The following MT4 variants were observed in gnomAD, a reference collection of about 807,000 sequenced individuals.
MT4 encodes metallothionein 4.
A neutral mutation model predicts 9.5 loss-of-function variants in MT4; 11 were observed. The observed-to-expected ratio is 1.16, with a 90% CI of 0.73 to 1.92. The LOEUF is 1.92. MT4 is among the 30% of genes most tolerant of loss of function. The pLI, the probability that MT4 is intolerant of heterozygous loss-of-function variation, is 0.00. For synonymous variants in MT4, 29 were observed against 24.6 expected (o/e 1.18, Z -0.53); for missense variants, 88 against 78.7 (o/e 1.12, Z -0.45).
At position 56,567,793 on chromosome 16, in the gene MT4, G is replaced by C. The variant is rs771345815; in HGVS notation, c.74G>C (p.Cys25Ser). The C allele has an allele frequency of 6.2e-7, 1 of 1,613,390 alleles. No homozygotes were observed. The part of the protein sequence containing the change: ...MCGDNCKCTT[C>S]NCKTYWKSCC... ...GGAGACAACTGCAAATGCACAACCT[G>C]CAACTGTAAAACATATTGGAAGAGT... Residue 25 changes from cysteine to serine, a missense_variant, in exon 2 of 3, where the codon TGC becomes TCC. By Grantham distance (112) the Cys-to-Ser change is moderately radical. Transcript: ENST00000219162.
intron 1 of MT4, among the ~76,000 whole-genome samples, chr16:56,565,997 G>A (rs576796725): frequency 2.0e-5 from 3 of 151,744 alleles, no homozygotes; most frequent in South Asian, 2.1e-4. Flanking sequence ...CCAGGAGTTC[G>A]AGGCTGCAGC....
intron 1 of MT4, 76 bp from the exon 2 acceptor site, chr16:56,567,675 A>T: frequency 7.2e-7 from 1 of 1,380,982 alleles, no homozygotes; most frequent in Non-Finnish European, 1.0e-6. Flanking sequence ...TGCCACTCTG[A>T]CAGTCGGCAT....
chr16:56,568,720 T>G, intron 2 of MT4, 121 bp from the exon 3 acceptor site: 2 of 620,486 alleles, frequency 3.2e-6, no homozygotes, highest in Non-Finnish European at 5.4e-6. Flanking sequence ...TTTTTGCTAA[T>G]GTGGATTGAA....
intron 1 of MT4, among the ~76,000 whole-genome samples, chr16:56,566,730 GA>G (rs1224549500): frequency 0.099 from 3,097 of 31,272 alleles, 62 homozygotes; most frequent in Admixed American, 0.14. Flanking sequence ...AAGAAAGAAA[GA>G]AAGAAAGAAA....
rs770368457 is a variant in MT4, at chr16:56,568,948, C to G, written c.*16C>G. 1 of 1,576,818 alleles carries G rather than the reference C, an allele frequency of 6.3e-7. No individual in the cohort carries two copies. The highest frequency in any genetic ancestry group is 8.6e-7 in the Non-Finnish European group (1 of 1,159,700). Reference sequence around the variant, plus strand: ...CTGCCCATGAAAGCCATCCATCGTGCCCACCCCTTCCAAGGAGAGAAACCT... The same window carrying G: ...CTGCCCATGAAAGCCATCCATCGTGGCCACCCCTTCCAAGGAGAGAAACCT... On this transcript the variant is annotated 3_prime_UTR_variant, in exon 3 of 3. Coordinates refer to ENST00000219162, the MANE Select transcript of MT4 (RefSeq NM_032935.3).
In MT4 at chr16:56,568,825, C is replaced by T. The variant is rs1191483690; in HGVS notation, c.98-16C>T. The T allele has an allele frequency of 5.7e-6, 9 of 1,571,508 alleles. No homozygotes were observed. In the South Asian group the frequency reaches 9.4e-5, roughly 16 times the overall value. ...GTTGACCCACAGCGGATCTGCGCATCTCCTGACTCTTTCAGGCTGCTGTCC... is the reference window on the plus strand; with the variant it reads ...GTTGACCCACAGCGGATCTGCGCATTTCCTGACTCTTTCAGGCTGCTGTCC... On this transcript the variant is annotated splice_polypyrimidine_tract_variant and intron_variant, in intron 2 of 2. Coordinates refer to ENST00000219162, the MANE Select transcript of MT4 (RefSeq NM_032935.3).
intron 1 of MT4, among the ~76,000 whole-genome samples, chr16:56,565,872 T>G (rs1386498372): frequency 6.6e-6 from 1 of 151,974 alleles, no homozygotes; most frequent in African/African-American, 2.4e-5. Flanking sequence ...AATACCAGCC[T>G]GGGCAACATA....
intron 1 of MT4, among the ~76,000 whole-genome samples, chr16:56,565,757 T>C (rs1384912648): frequency 2.6e-5 from 4 of 152,026 alleles, no homozygotes; most frequent in African/African-American, 7.3e-5. Context: ...TTTACAATCA[T>C]GGAAATGGTA....
intron 2 of MT4, among the ~76,000 whole-genome samples, chr16:56,568,285 G>GAAAT (rs1281593337): frequency 7.6e-6 from 1 of 131,480 alleles, no homozygotes; most frequent in East Asian, 2.2e-4. Flanking sequence ...AAGAAAGAAA[G>GAAAT]AAAGAAAGAA....
At position 56,565,099 on chromosome 16, in the gene MT4, C is replaced by G; in HGVS notation, c.-30C>G. ...CTCAGCCTCCCTTCCCCAGCCGTGACAGCACTGGAGCCTTTCGGACACCTG... is the reference window on the plus strand; with the variant it reads ...CTCAGCCTCCCTTCCCCAGCCGTGAGAGCACTGGAGCCTTTCGGACACCTG... On this transcript the variant is annotated 5_prime_UTR_variant, in exon 1 of 3. Coordinates refer to ENST00000219162, the MANE Select transcript of MT4 (RefSeq NM_032935.3). 6.2e-7 allele frequency: 1 copy of G among 1,612,738 alleles called. No homozygotes were observed. The highest frequency in any genetic ancestry group is 1.1e-5 in the South Asian group (1 of 90,766).
At chr16:56,568,327 A>AAGAAAGAAAGAAAGAAAGAAAGAG (rs1273931112) in intron 2 of MT4, among the ~76,000 whole-genome samples, 12 of 148,644 alleles carry the variant, frequency 8.1e-5, no homozygotes, top group African/African-American at 2.8e-4. Flanking sequence ...GAAAGAAAGA[A>AAGAAAGAAAGAAAGAAAGAAAGAG]AGAAAGAAAG....
intron 2 of MT4, among the ~76,000 whole-genome samples, chr16:56,568,396 T>C (rs1374495964): frequency 6.6e-6 from 1 of 151,112 alleles, no homozygotes; most frequent in Non-Finnish European, 1.5e-5. Context: ...GGGGAGGGGG[T>C]CTAGATGCCT....
intron 1 of MT4, among the ~76,000 whole-genome samples, chr16:56,566,797 A>AAGGAAGGAAGGAAGGAAGGAAG (rs1567329962): frequency 8.9e-5 from 4 of 44,722 alleles, no homozygotes; most frequent in East Asian, 1.1e-3. Context: ...AAAGAAAGAA[A>AAGGAAGGAAGGAAGGAAGGAAG]GAAAGAAAGA....
At chr16:56,568,235 GAAAGAAAGAAAGAAAGAAAGAA>G (rs771371452) in intron 2 of MT4, among the ~76,000 whole-genome samples, 557 of 45,888 alleles carry the variant, frequency 0.012, 20 homozygotes, top group Non-Finnish European at 0.018. Flanking sequence ...AAGAAAGAAA[GAAAGAAAGAAAGAAAGAAAGAA>G]AGAGAGAGAG....
At chr16:56,566,704 A>AAG (rs1959523952) in intron 1 of MT4, among the ~76,000 whole-genome samples, 1 of 54,272 alleles carries the variant, frequency 1.8e-5, no homozygotes, top group African/African-American at 9.6e-5. Context: ...AAGAAAGAGA[A>AAG]AGAAAGAAAG....
intron 1 of MT4, among the ~76,000 whole-genome samples, chr16:56,566,774 GAAAGAAAGAAAGAAAGAAA>G (rs1959532114): frequency 3.3e-3 from 66 of 20,028 alleles, no homozygotes; most frequent in South Asian, 5.2e-3. Context: ...AGGAAGGAAA[GAAAGAAAGAAAGAAAGAAA>G]GAAAGAAAGA....
At position 56,568,863 on chromosome 16, in the gene MT4, G is replaced by A. The variant is rs202143391; in HGVS notation, c.120G>A (p.Pro40=). 5.2e-5 allele frequency: 84 copies of A among 1,607,718 alleles called. No homozygotes were observed. The highest frequency in any genetic ancestry group is 3.3e-5 in the South Asian group (3 of 90,142). ...CAGGCTGCTGTCCCTGCTGCCCCCC[G>A]GGCTGTGCCAAATGTGCCCGGGGCT... ...YWKSCCPCCP[P]GCAKCARGCI... Residue 40 remains proline (P), a synonymous_variant, in exon 3 of 3, where the codon CCG becomes CCA. Transcript: ENST00000219162.
Position 56,565,093 on chromosome 16 carries a change from C to T in MT4, c.-36C>T. ...TGCTCACTCAGCCTCCCTTCCCCAG[C>T]CGTGACAGCACTGGAGCCTTTCGGA... On this transcript the variant is annotated 5_prime_UTR_variant, in exon 1 of 3. Transcript: ENST00000219162. The T allele has an allele frequency of 6.2e-7, 1 of 1,612,348 alleles. No individual in the cohort carries two copies. The highest frequency in any genetic ancestry group is 8.5e-7 in the Non-Finnish European group (1 of 1,179,186).
At chr16:56,567,407 A>G (rs373927108) in intron 1 of MT4, among the ~76,000 whole-genome samples, 1 of 152,292 alleles carries the variant, frequency 6.6e-6, no homozygotes, top group South Asian at 2.1e-4. Flanking sequence ...CTCATTGTAC[A>G]TAAGAATTAT....
Sources: gnomAD v4.1 joint callset for allele counts (sites outside exome capture counted in the v4.1 genomes callset) on GRCh38, gnomAD v4.1.1 for gene constraint, MANE v1.5 for transcripts, NCBI Gene and HGNC (gene_info 2026-07-23, HGNC 2026-07-21) for gene names.